The following AGBL1 variants were observed in gnomAD, a reference collection of about 807,000 sequenced individuals.
The protein encoded by AGBL1 is cytosolic carboxypeptidase 4.
AGBL1 carries 130 observed loss-of-function variants against 118.9 expected under a neutral mutation model. The observed-to-expected ratio is 1.09, with a 90% CI of 0.95 to 1.26. The LOEUF is 1.26. Among genes scored for constraint, AGBL1 ranks in the 50% most tolerant of loss-of-function variants. The pLI is 0.00. For missense variants in AGBL1, 1,584 were observed against 1,298.1 expected (o/e 1.22, Z -3.38); for synonymous variants, 555 against 478.9 (o/e 1.16, Z -2.08).
At chr15:86,109,518 A>T (rs1452482561) in intron 1 of AGBL1, among the ~76,000 whole-genome samples, 3 of 152,206 alleles carry the variant, frequency 2.0e-5, no homozygotes, top group African/African-American at 7.2e-5. Context: ...CTATAGAGAA[A>T]ATAAGGATAA....
intron 22 of AGBL1, among the ~76,000 whole-genome samples, chr15:86,706,019 A>T (rs2086443623): frequency 6.6e-6 from 1 of 152,134 alleles, no homozygotes; most frequent in Non-Finnish European, 1.5e-5. Context: ...AAATGCAATA[A>T]TTCAAGACAT....
At chr15:86,982,512 A>G (rs1313884162) in intron 23 of AGBL1, among the ~76,000 whole-genome samples, 6 of 147,532 alleles carry the variant, frequency 4.1e-5, no homozygotes, top group African/African-American at 7.5e-5. Flanking sequence ...ATTCTTTTCA[A>G]TAAAGATGAA....
chr15:86,560,499 T>C (rs948882093), intron 21 of AGBL1, among the ~76,000 whole-genome samples: 1 of 152,160 alleles, frequency 6.6e-6, no homozygotes, highest in Non-Finnish European at 1.5e-5. Flanking sequence ...ATAGTATTCC[T>C]TGGTGTATAT....
chr15:86,108,754 C>G (rs1020704403), intron 1 of AGBL1, among the ~76,000 whole-genome samples: 1 of 152,066 alleles, frequency 6.6e-6, no homozygotes, highest in African/African-American at 2.4e-5. Context: ...GTCAAGAGAT[C>G]GAAGCCATCC....
intron 22 of AGBL1, among the ~76,000 whole-genome samples, chr15:86,702,860 C>A (rs948534179): frequency 8.1e-6 from 1 of 123,066 alleles, no homozygotes; most frequent in African/African-American, 3.1e-5. Context: ...ATTACGTCAA[C>A]CTCCAATGAC....
chr15:86,935,879 C>G (rs2080667766), intron 23 of AGBL1, among the ~76,000 whole-genome samples: 1 of 152,326 alleles, frequency 6.6e-6, no homozygotes, highest in Non-Finnish European at 1.5e-5. Flanking sequence ...AAATGTATTC[C>G]CCTTTGGTGA....
At chr15:86,661,639 C>A (rs931956287) in intron 21 of AGBL1, among the ~76,000 whole-genome samples, 1 of 151,922 alleles carries the variant, frequency 6.6e-6, no homozygotes, top group Non-Finnish European at 1.5e-5. Context: ...GGAGAATTAC[C>A]AATTGCCACG....
intron 17 of AGBL1, among the ~76,000 whole-genome samples, chr15:86,333,210 A>T (rs898049645): frequency 6.6e-6 from 1 of 152,110 alleles, no homozygotes; most frequent in Non-Finnish European, 1.5e-5. Flanking sequence ...CAAAATTGAG[A>T]CTCCAAAATC....
intron 1 of AGBL1, among the ~76,000 whole-genome samples, chr15:86,091,619 T>C (rs17651722): frequency 0.014 from 2,175 of 152,316 alleles, 31 homozygotes; most frequent in South Asian, 0.075. Flanking sequence ...AAGACACTTT[T>C]CCCAGATAGA....
chr15:86,127,538 G>T (rs2076762432), intron 1 of AGBL1, among the ~76,000 whole-genome samples: 1 of 152,186 alleles, frequency 6.6e-6, no homozygotes, highest in Non-Finnish European at 1.5e-5. Context: ...TCCACCAAAA[G>T]CAGGCCACGT....
intron 24 of AGBL1, among the ~76,000 whole-genome samples, chr15:87,006,440 A>C (rs2081504830): frequency 6.6e-6 from 1 of 152,052 alleles, no homozygotes; most frequent in Non-Finnish European, 1.5e-5. Flanking sequence ...TTGACCTCAG[A>C]CTGCTGTGCT....
intron 23 of AGBL1, among the ~76,000 whole-genome samples, chr15:86,936,400 G>T (rs1211349049): frequency 4.6e-5 from 7 of 152,138 alleles, no homozygotes; most frequent in Non-Finnish European, 1.0e-4. Context: ...CCATTATCTG[G>T]TGTATATTGA....
intron 19 of AGBL1, among the ~76,000 whole-genome samples, chr15:86,528,511 G>T (rs1473048392): frequency 1.3e-5 from 2 of 151,066 alleles, no homozygotes; most frequent in Non-Finnish European, 3.0e-5. Context: ...CAAACTGCAA[G>T]GTGGCAGCGA....
chr15:86,488,725 C>T (rs1333012972), intron 18 of AGBL1, among the ~76,000 whole-genome samples: 1 of 152,022 alleles, frequency 6.6e-6, no homozygotes, highest in Non-Finnish European at 1.5e-5. Flanking sequence ...TCAAACAGCT[C>T]CTACAACTCA....
intron 22 of AGBL1, among the ~76,000 whole-genome samples, chr15:86,867,082 A>G (rs2079642664): frequency 6.6e-6 from 1 of 152,138 alleles, no homozygotes; most frequent in Non-Finnish European, 1.5e-5. Flanking sequence ...GAGTGGAGTG[A>G]GTAATGAGGA....
At chr15:86,459,512 T>C (rs1416855468) in intron 18 of AGBL1, among the ~76,000 whole-genome samples, 2 of 152,204 alleles carry the variant, frequency 1.3e-5, no homozygotes, top group African/African-American at 4.8e-5. Context: ...TCATAATTCA[T>C]ATTTATAAAT....
At chr15:86,163,051 C>A (rs1396919107) in intron 5 of AGBL1, among the ~76,000 whole-genome samples, 1 of 152,224 alleles carries the variant, frequency 6.6e-6, no homozygotes, top group Non-Finnish European at 1.5e-5. Flanking sequence ...TCCCTAAATT[C>A]TGTACTTCCT....
chr15:86,972,958 T>A (rs2081125853), intron 23 of AGBL1, among the ~76,000 whole-genome samples: 1 of 152,040 alleles, frequency 6.6e-6, no homozygotes, highest in Non-Finnish European at 1.5e-5. Flanking sequence ...AATCTTGGTA[T>A]AAGCAGTATA....
At position 86,176,619 on chromosome 15, in the gene AGBL1, C is replaced by G. The variant is rs189582762; in HGVS notation, c.488+17593C>G. 2.6e-3 allele frequency among the ~76,000 whole-genome samples: 398 copies of G among 152,300 alleles called. 1 individual carries two copies. Among genetic ancestry groups the G allele is most frequent in the Non-Finnish European group, 4.0e-3 (271 of 68,022 alleles). ...CTACTTGGTGGACATGAGGAAATATCAGTGGGGCTCCATGGATGTGGAAAT... is the reference window on the plus strand; with the variant it reads ...CTACTTGGTGGACATGAGGAAATATGAGTGGGGCTCCATGGATGTGGAAAT... On this transcript the variant is annotated intron_variant, in intron 5 of 22. Transcript: ENST00000614907.
Sources: allele counts gnomAD v4.1 joint callset (sites outside exome capture counted in the v4.1 genomes callset), GRCh38; gene constraint gnomAD v4.1.1; transcripts MANE v1.5; gene names NCBI Gene and HGNC (gene_info 2026-07-23, HGNC 2026-07-21).